Variants in HACE1 observed in about 807,000 individuals in gnomAD.
The protein encoded by HACE1 is HECT domain and ankyrin repeat containing E3 ubiquitin protein ligase 1.
In HACE1, 73 loss-of-function variants were observed where a neutral mutation model predicts 118.4. The observed-to-expected ratio is 0.62, with a 90% CI of 0.51 to 0.75. The LOEUF (loss-of-function observed/expected upper bound fraction) is 0.75. Among genes scored for constraint, HACE1 ranks in the 30% least tolerant of loss-of-function variants. The probability of loss-of-function intolerance (pLI) is 0.00; values close to 1 mark genes in which losing one functional copy is unlikely to be tolerated. For missense variants in HACE1, 749 were observed against 1,102.2 expected, an observed-to-expected ratio of 0.68 and a Z score of 4.54; for synonymous variants, 368 against 374.8, an observed-to-expected ratio of 0.98 and a Z score of 0.21.
At chr6:104,820,261 C>A (rs1447657950) in intron 6 of HACE1, among the ~76,000 whole-genome samples, 1 of 151,280 alleles carries the variant, frequency 6.6e-6, no homozygotes, top group Non-Finnish European at 1.5e-5. Flanking sequence ...TAGGCAATAC[C>A]ATTCAGGACT....
At chr6:104,816,230 AG>A (rs1261254078) in intron 6 of HACE1, among the ~76,000 whole-genome samples, 14 of 152,272 alleles carry the variant, frequency 9.2e-5, no homozygotes, top group African/African-American at 2.4e-4. Context: ...CCAAGACAAC[AG>A]GAAAAATGTC....
chr6:104,807,033 T>C (rs1322475439), intron 7 of HACE1, among the ~76,000 whole-genome samples: 2 of 150,830 alleles, frequency 1.3e-5, no homozygotes, highest in East Asian at 1.9e-4. Flanking sequence ...TTTTTTTTTT[T>C]TTTTTCTTGA....
chr6:104,805,251 T>C (rs1416323198), intron 7 of HACE1, among the ~76,000 whole-genome samples: 1 of 152,186 alleles, frequency 6.6e-6, no homozygotes, highest in African/African-American at 2.4e-5. Context: ...TTTTACACTG[T>C]TGGTGGGAGT....
At chr6:104,833,337 C>T (rs12212729) in intron 5 of HACE1, among the ~76,000 whole-genome samples, 164 bp from the exon 6 acceptor site, 11,228 of 152,198 alleles carry the variant, frequency 0.074, 466 homozygotes, top group Middle Eastern at 0.14. Flanking sequence ...AAGTCCATGT[C>T]ATTTTTTTCC....
In HACE1 at chr6:104,750,328, T is replaced by C. The variant is rs775977189; in HGVS notation, c.2343+13A>G. ...TGTTGTGTTACAACATAAGAACTGA[T>C]GTTTTTCCTTACCAATTCATATTCA... On this transcript the variant is annotated intron_variant, in intron 20 of 23. Transcript: ENST00000262903. The C allele has an allele frequency of 9.3e-6, 15 of 1,608,252 alleles. No individual in the cohort carries two copies. Among genetic ancestry groups the C allele is most frequent in the Non-Finnish European group, 1.3e-5 (15 of 1,175,178 alleles).
chr6:104,784,519 G>C, intron 12 of HACE1, 34 bp from the exon 13 acceptor site: 1 of 1,446,234 alleles, frequency 6.9e-7, no homozygotes, highest in South Asian at 1.1e-5. Flanking sequence ...GAATACACAG[G>C]CAAAAGTTTG....
chr6:104,836,847 T>C (rs570637948), intron 5 of HACE1, among the ~76,000 whole-genome samples: 2 of 152,236 alleles, frequency 1.3e-5, no homozygotes, highest in South Asian at 2.1e-4. Context: ...CAAAAACCAA[T>C]TGCATTTCCA....
intron 14 of HACE1, among the ~76,000 whole-genome samples, chr6:104,779,022 G>C (rs565877582): frequency 3.3e-5 from 5 of 152,230 alleles, no homozygotes; most frequent in African/African-American, 1.2e-4. Context: ...TGATGCAGCT[G>C]AGACACTGAA....
chr6:104,791,159 C>T (rs757414835), intron 11 of HACE1, among the ~76,000 whole-genome samples: 16 of 152,128 alleles, frequency 1.1e-4, no homozygotes, highest in Non-Finnish European at 1.9e-4. Flanking sequence ...CATTTTATTT[C>T]CTTACTAATA....
intron 7 of HACE1, among the ~76,000 whole-genome samples, chr6:104,799,888 G>A (rs1006967907): frequency 2.6e-5 from 4 of 152,212 alleles, no homozygotes; most frequent in African/African-American, 9.6e-5. Context: ...TTGGACAGTA[G>A]GTGCAGCCCA....
At chr6:104,823,830 T>C (rs1292081118) in intron 6 of HACE1, among the ~76,000 whole-genome samples, 8 of 151,586 alleles carry the variant, frequency 5.3e-5, no homozygotes, top group African/African-American at 1.9e-4. Context: ...GAAAGGAAAA[T>C]GCAGAATTCA....
In HACE1 at chr6:104,811,375, C is replaced by T; in HGVS notation, c.553G>A (p.Asp185Asn). 1 of 1,508,238 alleles carries T rather than the reference C, an allele frequency of 6.6e-7. No individual in the cohort carries two copies. The highest frequency in any genetic ancestry group is 9.2e-7 in the Non-Finnish European group (1 of 1,085,472). 93.4% of individuals were successfully genotyped at this position (1,508,238 alleles called of 1,614,324 possible). A position where few individuals can be genotyped will look rare whatever the true frequency, so the allele number is the denominator to read the frequency against. The change falls in exon 7 of 24, where the codon GAC becomes AAC. Residue 185 changes from aspartate to asparagine, a missense_variant. This residue lies in a region of HACE1 where 267 missense variants were observed against 312.2 expected (regional missense o/e 0.86). Coordinates refer to ENST00000262903, the MANE Select transcript of HACE1 (RefSeq NM_020771.4). ...GGCCTGTTAATATCAGCACCACTGT[C>T]TAGCAAGCACTGCACTGTCTGAGGG... is the stretch of plus-strand genomic sequence containing the variant. ...GHKTTVQCLLDSGADINRPNV... is the reference protein window; with the variant it reads ...GHKTTVQCLLNSGADINRPNV...
intron 6 of HACE1, among the ~76,000 whole-genome samples, chr6:104,819,653 G>C (rs902699363): frequency 6.6e-6 from 1 of 152,164 alleles, no homozygotes; most frequent in East Asian, 1.9e-4. Context: ...CAGGGATATA[G>C]TGAGCAAAAC....
intron 19 of HACE1, among the ~76,000 whole-genome samples, chr6:104,752,017 GAC>G (rs1262878852): frequency 6.6e-6 from 1 of 150,800 alleles, no homozygotes; most frequent in African/African-American, 2.4e-5. Flanking sequence ...AGTTCTATAT[GAC>G]TGCTAGCTAT....
chr6:104,795,035 T>C lies in HACE1; in HGVS notation c.923+544A>G, dbSNP rs114769698. 4.7e-3 allele frequency among the ~76,000 whole-genome samples: 711 copies of C among 152,234 alleles called. 4 individuals carry two copies. Among genetic ancestry groups the C allele is most frequent in the African/African-American group, 0.016 (682 of 41,538 alleles). ...TTCCTAATTGGGGTAGCCAGCCACATAGAAAGAAGTGTAGCTACAGGAAAA... is the reference window on the plus strand; with the variant it reads ...TTCCTAATTGGGGTAGCCAGCCACACAGAAAGAAGTGTAGCTACAGGAAAA... On this transcript the variant is annotated intron_variant, in intron 10 of 23. Coordinates refer to ENST00000262903, the MANE Select transcript of HACE1 (RefSeq NM_020771.4).
chr6:104,737,797 G>T (rs922971117), intron 22 of HACE1, among the ~76,000 whole-genome samples: 8 of 152,306 alleles, frequency 5.3e-5, no homozygotes, highest in East Asian at 3.9e-4. Context: ...ACAAAGCAGC[G>T]GGGAAGCCCG....
intron 19 of HACE1, among the ~76,000 whole-genome samples, chr6:104,761,751 G>C (rs796285552): frequency 6.5e-4 from 99 of 152,166 alleles, no homozygotes; most frequent in African/African-American, 2.2e-3. Flanking sequence ...TATCATCAGA[G>C]TGAACAGGCA....
intron 22 of HACE1, among the ~76,000 whole-genome samples, chr6:104,737,752 G>T (rs1394533466): frequency 6.6e-6 from 1 of 152,236 alleles, no homozygotes; most frequent in Non-Finnish European, 1.5e-5. Flanking sequence ...GGCTGGGGGA[G>T]GGGCGCCCGC....
At chr6:104,798,049 C>A (rs1245302863) in intron 7 of HACE1, among the ~76,000 whole-genome samples, 7 of 120,992 alleles carry the variant, frequency 5.8e-5, no homozygotes, top group Admixed American at 1.8e-4. Context: ...GCCTGGGTAA[C>A]AAGAGCAAAA....
Sources: allele counts gnomAD v4.1 joint callset (sites outside exome capture counted in the v4.1 genomes callset), GRCh38; gene constraint gnomAD v4.1.1; regional missense constraint gnomAD v4.1.1; transcripts MANE v1.5; gene names NCBI Gene and HGNC (gene_info 2026-07-23, HGNC 2026-07-21).